Variants in MZT2B observed in about 807,000 individuals in gnomAD.
MZT2B encodes mitotic-spindle organizing protein 2B.
MZT2B carries 11 observed loss-of-function variants against 12.1 expected under a neutral mutation model. The ratio of observed to expected loss-of-function variants is 0.91; its 90% CI spans 0.57 to 1.50. The LOEUF is 1.50. Ranked by LOEUF, MZT2B falls within the 40% of genes most tolerant of loss-of-function variation. MZT2B has a pLI of 0.00. For synonymous variants in MZT2B, 85 were observed against 109.5 expected, an observed-to-expected ratio of 0.78 and a Z score of 1.40; for missense variants, 209 against 227.7, an observed-to-expected ratio of 0.92 and a Z score of 0.53.
At chr2:130,195,988 C>G in the MZT2B span, among the ~76,000 whole-genome samples, 2 of 152,246 alleles carry the variant, frequency 1.3e-5, no homozygotes. Flanking sequence ...CTCACAGACA[C>G]TTTCATCACA....
chr2:130,194,764 A>G (rs2313997), downstream of MZT2B, among the ~76,000 whole-genome samples: 2 of 152,208 alleles, frequency 1.3e-5, 1 homozygote, highest in South Asian at 4.1e-4. Flanking sequence ...TGCAACCTCC[A>G]CCTTCCGAGT....
chr2:130,198,208 A>T, the MZT2B span: 13,694 of 920,682 alleles, frequency 0.015, 3,685 homozygotes, highest in African/African-American at 0.22. Flanking sequence ...GATCCAGGAA[A>T]CGATCCCGTG....
At chr2:130,185,838 A>C (rs113588012) in intron 2 of MZT2B, among the ~76,000 whole-genome samples, 7,312 of 151,928 alleles carry the variant, frequency 0.048, 472 homozygotes, top group African/African-American at 0.15. Context: ...GAGTGCTGGG[A>C]CCCTCAGGGT....
intron 2 of MZT2B, chr2:130,184,851 C>G: frequency 1.0e-6 from 1 of 985,306 alleles, no homozygotes; most frequent in Non-Finnish European, 1.2e-6. Context: ...CACTCAGAGC[C>G]CAGTGAGAGG....
chr2:130,192,141 G>C (rs375471365), downstream of MZT2B: 32 of 1,588,718 alleles, frequency 2.0e-5, 1 homozygote, highest in Non-Finnish European at 2.4e-5. Flanking sequence ...CCAGAGAAGG[G>C]AAAGAAAGCA....
chr2:130,191,977 C>A, downstream of MZT2B: 11 of 1,613,896 alleles, frequency 6.8e-6, no homozygotes, highest in Non-Finnish European at 9.3e-6. Flanking sequence ...TGCACAAAGG[C>A]CCACTTGGCA....
chr2:130,197,755 C>T, the MZT2B span, among the ~76,000 whole-genome samples: 1 of 122,982 alleles, frequency 8.1e-6, no homozygotes, highest in Non-Finnish European at 1.8e-5. Context: ...CACAGACTCG[C>T]ATCACCATGC....
chr2:130,186,010 G>A (rs1690046634), intron 2 of MZT2B, among the ~76,000 whole-genome samples: 3 of 152,154 alleles, frequency 2.0e-5, no homozygotes, highest in Admixed American at 2.0e-4. Flanking sequence ...CACCAGGAGT[G>A]TGCTGCTGAG....
chr2:130,183,687 C>A, intron 2 of MZT2B: 1 of 1,546,530 alleles, frequency 6.5e-7, no homozygotes, highest in South Asian at 1.2e-5. Flanking sequence ...GGCCTGGGCA[C>A]CCACACCCGC....
chr2:130,190,297 C>T (rs1452783714), intron 2 of MZT2B, among the ~76,000 whole-genome samples, 172 bp from the exon 3 acceptor site: 2 of 152,240 alleles, frequency 1.3e-5, no homozygotes, highest in Non-Finnish European at 2.9e-5. Context: ...GGGGCGTGAC[C>T]TGTCTTTAGT....
chr2:130,200,095 C>CA, the MZT2B span, among the ~76,000 whole-genome samples: 148 of 136,206 alleles, frequency 1.1e-3, no homozygotes, highest in Middle Eastern at 4.5e-3. Flanking sequence ...AACTCCATCT[C>CA]AAAAAAAAAA....
At chr2:130,184,169 G>A (rs535078696) in intron 2 of MZT2B, 39 of 1,453,992 alleles carry the variant, frequency 2.7e-5, no homozygotes, top group Middle Eastern at 2.5e-4. Context: ...CCCCACAGTC[G>A]GGCTGGCATC....
Position 130,182,472 on chromosome 2 carries a change from G to A in MZT2B, c.170+20G>A, listed in dbSNP as rs1689760377. On this transcript the variant is annotated intron_variant, in intron 1 of 2. Coordinates refer to ENST00000281871, the MANE Select transcript of MZT2B (RefSeq NM_025029.5). ...GTTCAAGTGAGCGGGGCGGGTGGGG[G>A]CCGCATGCTAGCCAGACACCCCCCG... 1 of 1,542,524 alleles carries A rather than the reference G, an allele frequency of 6.5e-7. No individual in the cohort carries two copies. The highest frequency in any genetic ancestry group is 1.2e-5 in the South Asian group (1 of 83,492).
the MZT2B span, among the ~76,000 whole-genome samples, chr2:130,202,026 C>T: frequency 6.6e-6 from 1 of 152,046 alleles, no homozygotes; most frequent in African/African-American, 2.4e-5. Context: ...ACACATATTC[C>T]CAGTAGACAG....
At chr2:130,198,038 G>A in the MZT2B span, among the ~76,000 whole-genome samples, 1 of 123,738 alleles carries the variant, frequency 8.1e-6, no homozygotes, top group Admixed American at 9.0e-5. Context: ...GTTTCCAGTA[G>A]CACAAAGACG....
At chr2:130,195,060 T>C (rs1222034629), downstream of MZT2B, 2 of 1,611,974 alleles carry the variant, frequency 1.2e-6, no homozygotes, top group Non-Finnish European at 1.7e-6. Flanking sequence ...AATGGCCACA[T>C]GAAACCTTCT....
At chr2:130,191,371 G>A (rs777276031), downstream of MZT2B, among the ~76,000 whole-genome samples, 1 of 151,980 alleles carries the variant, frequency 6.6e-6, no homozygotes, top group Non-Finnish European at 1.5e-5. Flanking sequence ...CCTCTAAAAT[G>A]TCCTGACCTT....
At chr2:130,187,254 A>C (rs945293942) in intron 2 of MZT2B, among the ~76,000 whole-genome samples, 85 of 152,104 alleles carry the variant, frequency 5.6e-4, no homozygotes, top group African/African-American at 2.0e-3. Context: ...GCAGTGGCAC[A>C]CTCATAGCTC....
chr2:130,190,180 C>T (rs962512486), intron 2 of MZT2B, among the ~76,000 whole-genome samples: 12 of 152,176 alleles, frequency 7.9e-5, no homozygotes, highest in African/African-American at 2.9e-4. Flanking sequence ...CTAAATGGGC[C>T]CGTGGCATGT....
Sources: allele counts gnomAD v4.1 joint callset (sites outside exome capture counted in the v4.1 genomes callset), GRCh38; gene constraint gnomAD v4.1.1; transcripts MANE v1.5; gene names NCBI Gene and HGNC (gene_info 2026-07-23, HGNC 2026-07-21).